Variants in CD180 observed in about 807,000 individuals in gnomAD.
CD180 encodes CD180 molecule.
A neutral mutation model predicts 10.7 loss-of-function variants in CD180; 11 were observed. That is an observed-to-expected ratio of 1.03 (90% CI 0.65 to 1.70). CD180 has a LOEUF of 1.70. CD180 is among the 40% of genes most tolerant of loss of function. The pLI is 0.00. For synonymous variants in CD180, 286 were observed against 294.6 expected, an observed-to-expected ratio of 0.97 and a Z score of 0.30; for missense variants, 729 against 775.2, an observed-to-expected ratio of 0.94 and a Z score of 0.71.
intron 1 of CD180, among the ~76,000 whole-genome samples, chr5:67,186,876 AAG>A (rs554168576): frequency 0.021 from 2,582 of 125,024 alleles, 36 homozygotes; most frequent in African/African-American, 0.053. Context: ...GTGTGTGTGA[AAG>A]AGAGAGAGAG....
intron 2 of CD180, among the ~76,000 whole-genome samples, chr5:67,185,343 T>C (rs552365115): frequency 6.6e-6 from 1 of 151,654 alleles, no homozygotes; most frequent in Admixed American, 6.6e-5. Context: ...TATAGCCCTT[T>C]CATTTTCTTC....
At chr5:67,187,707 A>C (rs146148804) in intron 1 of CD180, among the ~76,000 whole-genome samples, 2 of 152,256 alleles carry the variant, frequency 1.3e-5, no homozygotes, top group Non-Finnish European at 2.9e-5. Context: ...TTGCCTGTGG[A>C]GTCTCCTTGG....
At chr5:67,192,672 A>G (rs1035775452) in intron 1 of CD180, among the ~76,000 whole-genome samples, 1 of 152,064 alleles carries the variant, frequency 6.6e-6, no homozygotes, top group African/African-American at 2.4e-5. Context: ...CCAAGACAGC[A>G]CCAAGCTGTG....
chr5:67,183,084 G>C lies in CD180; in HGVS notation c.1759C>G (p.His587Asp). Residue 587 changes from histidine to aspartate, a missense_variant, in exon 3 of 3, where the codon CAT (histidine) becomes GAT (aspartate). By Grantham distance (81) the His-to-Asp change is moderately conservative (BLOSUM62 -1). Transcript: ENST00000256447. ...TTTTCTTTGTACCATGTTAAGAAAT[G>C]AATATTCGAGCAAGTGCAGTCCAGG... ...NPLDCTCSNI[H>D]FLTWYKENLH... The C allele has an allele frequency of 6.2e-7, 1 of 1,611,912 alleles. No homozygotes were observed. Among genetic ancestry groups the C allele is most frequent in the Non-Finnish European group, 8.5e-7 (1 of 1,178,616 alleles).
chr5:67,180,795 T>C lies in CD180; in HGVS notation c.*2062A>G, dbSNP rs1283746615. On this transcript the variant is annotated 3_prime_UTR_variant, in exon 3 of 3. Transcript: ENST00000256447. ...GGGCAGATCACTTGAGGTCAGGAGT[T>C]CAAGACCAGCCTGGCCAACATGGTG... The C allele has an allele frequency of 6.6e-6, 1 of 151,922 alleles. No individual in the cohort carries two copies. The highest frequency in any genetic ancestry group is 1.5e-5 in the Non-Finnish European group (1 of 68,024). The allele number at this position is 151,922 out of a possible 1,614,324, so 9.4% of individuals were successfully genotyped here.
chr5:67,192,118 C>T lies in CD180; in HGVS notation c.90+4434G>A, dbSNP rs568432181. On this transcript the variant is annotated intron_variant, in intron 1 of 2. Coordinates refer to ENST00000256447, the MANE Select transcript of CD180 (RefSeq NM_005582.3). ...AAATTAAGAACTTTGGGGCCGGGCA[C>T]GGTGGCTCACGCCTGTAATCCCAGC... is the stretch of plus-strand genomic sequence containing the variant. Among the ~76,000 whole-genome samples the T allele has an allele frequency of 3.3e-5, 5 of 152,230 alleles. No individual in the cohort carries two copies. In the South Asian group the frequency reaches 8.3e-4, roughly 25 times the overall value.
Position 67,183,514 on chromosome 5 carries a change from GT to G in CD180, c.1328del (p.Asn443ThrfsTer8), listed in dbSNP as rs1308317912. The G allele has an allele frequency of 1.9e-6, 3 of 1,614,196 alleles. No individual in the cohort carries two copies. Among genetic ancestry groups the G allele is most frequent in the Non-Finnish European group, 2.5e-6 (3 of 1,180,042 alleles). ...HINAPQSPFQ[N>X]LHFLQVLNLT... Reference sequence around the variant, plus strand: ...GATTCAGAACCTGAAGGAAATGGAGGTTTTGGAAGGGACTTTGTGGAGCATT... The same window carrying G: ...GATTCAGAACCTGAAGGAAATGGAGGTTTGGAAGGGACTTTGTGGAGCATT... On this transcript the variant is annotated frameshift_variant, in exon 3 of 3. Coordinates refer to ENST00000256447, the MANE Select transcript of CD180 (RefSeq NM_005582.3). LOFTEE classifies it low-confidence loss of function (END_TRUNC).
At position 67,183,837 on chromosome 5, in the gene CD180, A is replaced by G. The variant is rs138328301; in HGVS notation, c.1006T>C (p.Leu336=). The G allele has an allele frequency of 1.0e-4, 166 of 1,614,200 alleles. 1 individual carries two copies. The African/African-American group carries it at 2.1e-3, about 21-fold the overall frequency. Residue 336 remains leucine, a synonymous_variant, in exon 3 of 3, where the codon TTG becomes CTG. Transcript: ENST00000256447. The stretch of plus-strand genomic sequence containing the variant: ...AAATTGGCAGCACTGATTTGACACA[A>G]TTGATCGAAATGATTTACACTGAGA... The part of the protein sequence containing the change: ...LVLSVNHFDQ[L]CQISAANFPS...
chr5:67,181,153 GAGACA>G lies in CD180; in HGVS notation c.*1699_*1703del, dbSNP rs1238401754. The stretch of plus-strand genomic sequence containing the variant: ...CCTCTCATGGCACTTGTATTTGGGA[GAGACA>G]AGACAAGAGAAACTAATTAAAACAA... On this transcript the variant is annotated 3_prime_UTR_variant, in exon 3 of 3. Transcript: ENST00000256447. 2 of 152,212 alleles carry G rather than the reference GAGACA, an allele frequency of 1.3e-5. No homozygotes were observed. The highest frequency in any genetic ancestry group is 1.9e-4 in the East Asian group (1 of 5,194). The allele number at this position is 152,212 out of a possible 1,614,324, so 9.4% of individuals were successfully genotyped here.
chr5:67,187,270 G>A (rs1031255160), intron 1 of CD180, among the ~76,000 whole-genome samples: 4 of 152,158 alleles, frequency 2.6e-5, no homozygotes, highest in Non-Finnish European at 5.9e-5. Flanking sequence ...TATGATTGTC[G>A]AATATTGAGA....
rs565842096 is a variant in CD180 at position 67,180,519 on chromosome 5, A to T, written c.*2338T>A. On this transcript the variant is annotated 3_prime_UTR_variant, in exon 3 of 3. Transcript: ENST00000256447. ...CCCTGAGCCAACCTCAGTCCAACAG[A>T]ATCTCAGTATCTGGGGGTGAGGCCT... 1 of 152,258 alleles carries T rather than the reference A, an allele frequency of 6.6e-6. No homozygotes were observed. The highest frequency in any genetic ancestry group is 6.5e-5 in the Admixed American group (1 of 15,298). 9.4% of individuals were successfully genotyped at this position (152,258 alleles called of 1,614,324 possible).
chr5:67,186,057 A>C, intron 1 of CD180, 40 bp from the exon 2 acceptor site: 21 of 1,308,122 alleles, frequency 1.6e-5, no homozygotes, highest in Non-Finnish European at 2.1e-5. Flanking sequence ...TAGACTTAAT[A>C]ATTTTATAGA....
intron 1 of CD180, among the ~76,000 whole-genome samples, chr5:67,186,890 G>C (rs1324703988): frequency 6.6e-6 from 1 of 151,694 alleles, no homozygotes; most frequent in Non-Finnish European, 1.5e-5. Context: ...GAGAGAGAGA[G>C]AGAGAGAGAA....
At chr5:67,190,940 C>T (rs1163917759) in intron 1 of CD180, 10 of 985,250 alleles carry the variant, frequency 1.0e-5, no homozygotes, top group South Asian at 4.7e-5. Context: ...CTCACCTTTT[C>T]GGATTTCTCA....
rs777910210 is a variant in CD180 at position 67,184,305 on chromosome 5, A to G, written c.538T>C (p.Phe180Leu). The G allele has an allele frequency of 7.4e-6, 12 of 1,614,076 alleles. No homozygotes were observed. The highest frequency in any genetic ancestry group is 5.3e-5 in the African/African-American group (4 of 74,926). ...FPARNLKVLD[F>L]QNNAIHYISR... ...ATGTAGTGTATAGCATTATTCTGAA[A>G]ATCCAGTACTTTCAGATTCCGTGCT... The change falls in exon 3 of 3, where the codon TTT becomes CTT. Residue 180 changes from phenylalanine (F) to leucine (L), a missense_variant. Phe to Leu is a conservative substitution (Grantham distance 22, BLOSUM62 0). Transcript: ENST00000256447.
chr5:67,185,844 T>A lies in CD180; in HGVS notation c.257+7A>T, dbSNP rs1484930239. The A allele has an allele frequency of 1.3e-6, 2 of 1,580,924 alleles. No homozygotes were observed. Among genetic ancestry groups the A allele is most frequent in the Admixed American group, 3.6e-5 (2 of 55,372 alleles). On this transcript the variant is annotated splice_region_variant and intron_variant, in intron 2 of 2. Coordinates refer to ENST00000256447, the MANE Select transcript of CD180 (RefSeq NM_005582.3). ...TAAAAGAGCACACAAATAACTCAGATACATACCTAGTTAAATCCAAAAAGG... is the reference window on the plus strand; with the variant it reads ...TAAAAGAGCACACAAATAACTCAGAAACATACCTAGTTAAATCCAAAAAGG...
Position 67,182,023 on chromosome 5 carries a change from C to T in CD180, c.*834G>A, listed in dbSNP as rs763816939. 6.6e-6 allele frequency: 1 copy of T among 152,188 alleles called. No homozygotes were observed. The highest frequency in any genetic ancestry group is 1.5e-5 in the Non-Finnish European group (1 of 68,038). The allele number at this position is 152,188 out of a possible 1,614,324, so 9.4% of individuals were successfully genotyped here. On this transcript the variant is annotated 3_prime_UTR_variant, in exon 3 of 3. Transcript: ENST00000256447. ...TTCTGGAAAAGAGACTTCTAAGAACCGGATGCCCAAATGAGAAGAGCATTT... is the reference window on the plus strand; with the variant it reads ...TTCTGGAAAAGAGACTTCTAAGAACTGGATGCCCAAATGAGAAGAGCATTT...
chr5:67,192,304 G>A (rs1478510913), intron 1 of CD180, among the ~76,000 whole-genome samples: 1 of 152,080 alleles, frequency 6.6e-6, no homozygotes, highest in Non-Finnish European at 1.5e-5. Context: ...GCAGAATGGC[G>A]TGAACCTGGG....
At chr5:67,186,671 C>T (rs1022138888) in intron 1 of CD180, among the ~76,000 whole-genome samples, 5 of 152,134 alleles carry the variant, frequency 3.3e-5, no homozygotes, top group Non-Finnish European at 4.4e-5. Context: ...GACAATCAAA[C>T]ATTACATACT....
Sources: allele counts gnomAD v4.1 joint callset (sites outside exome capture counted in the v4.1 genomes callset), GRCh38; gene constraint gnomAD v4.1.1; transcripts MANE v1.5; gene names NCBI Gene and HGNC (gene_info 2026-07-23, HGNC 2026-07-21).